The following CTTNBP2 variants were observed in gnomAD, a reference collection of about 807,000 sequenced individuals.
The protein encoded by CTTNBP2 is cortactin binding protein 2.
In CTTNBP2, 108 loss-of-function variants were observed where a neutral mutation model predicts 156.9. The ratio of observed to expected loss-of-function variants is 0.69; its 90% CI spans 0.59 to 0.81. The LOEUF (loss-of-function observed/expected upper bound fraction) is 0.81. CTTNBP2 is among the 30% of genes least tolerant of loss of function. The probability of loss-of-function intolerance (pLI) is 0.00; values close to 1 mark genes in which losing one functional copy is unlikely to be tolerated. For synonymous variants in CTTNBP2, 767 were observed against 751.8 expected, an observed-to-expected ratio of 1.02 and a Z score of -0.33; for missense variants, 1,924 against 2,035.4, an observed-to-expected ratio of 0.95 and a Z score of 1.05.
chr7:117,808,556 A>G (rs1800081360), intron 3 of CTTNBP2, among the ~76,000 whole-genome samples: 1 of 152,226 alleles, frequency 6.6e-6, no homozygotes, highest in Non-Finnish European at 1.5e-5. Context: ...GAGGCAAACT[A>G]GAGCAGCGCT....
intron 3 of CTTNBP2, among the ~76,000 whole-genome samples, chr7:117,802,270 T>A (rs1799663154): frequency 6.6e-6 from 1 of 151,648 alleles, no homozygotes; most frequent in Admixed American, 6.6e-5. Context: ...AAGGATTTCT[T>A]TTAAAAGCTT....
chr7:117,724,042 T>TA (rs1183575425), intron 19 of CTTNBP2, among the ~76,000 whole-genome samples: 4 of 152,086 alleles, frequency 2.6e-5, no homozygotes, highest in Non-Finnish European at 5.9e-5. Context: ...AATATATATA[T>TA]TTTTTACCAC....
rs1480004818 is a variant in CTTNBP2 at position 117,861,290 on chromosome 7, G to A, written c.108C>T (p.Leu36=). 6.2e-7 allele frequency: 1 copy of A among 1,613,080 alleles called. No homozygotes were observed. Among genetic ancestry groups the A allele is most frequent in the Non-Finnish European group, 8.5e-7 (1 of 1,179,608 alleles). ...AAKKEFDVDT[L]SKSELRMLLS... is the part of the protein sequence containing the mutation. The stretch of plus-strand genomic sequence containing the variant: ...GGAGCATCCGCAGCTCGGATTTACT[G>A]AGAGTATCCACATCAAACTCTTTTT... The change falls in exon 2 of 23, where the codon CTC becomes CTT. Residue 36 remains leucine (L), a synonymous_variant. Coordinates refer to ENST00000160373, the MANE Select transcript of CTTNBP2 (RefSeq NM_033427.3).
intron 2 of CTTNBP2, among the ~76,000 whole-genome samples, chr7:117,816,410 C>G (rs570035308): frequency 9.2e-5 from 14 of 152,302 alleles, no homozygotes; most frequent in East Asian, 1.9e-4. Context: ...AAAATGGAAG[C>G]CTTCTCAGTC....
chr7:117,783,484 C>G (rs1341974693), intron 5 of CTTNBP2, among the ~76,000 whole-genome samples: 2 of 152,130 alleles, frequency 1.3e-5, no homozygotes, highest in Non-Finnish European at 2.9e-5. Context: ...CGAAAGTCAC[C>G]TAACTCAGGA....
intron 2 of CTTNBP2, among the ~76,000 whole-genome samples, chr7:117,838,310 G>C (rs538278006): frequency 1.3e-5 from 2 of 152,284 alleles, no homozygotes; most frequent in African/African-American, 4.8e-5. Flanking sequence ...GGGTTCAGCT[G>C]CTGAGCTTCA....
intron 9 of CTTNBP2, among the ~76,000 whole-genome samples, chr7:117,764,966 C>T (rs1343223419): frequency 3.3e-5 from 5 of 152,094 alleles, no homozygotes; most frequent in Admixed American, 2.6e-4. Flanking sequence ...GATAGAGTCT[C>T]ACTCTGTCAC....
At chr7:117,783,264 C>T (rs1798531183) in intron 5 of CTTNBP2, among the ~76,000 whole-genome samples, 3 of 152,062 alleles carry the variant, frequency 2.0e-5, no homozygotes, top group Non-Finnish European at 4.4e-5. Context: ...ATGTCATGTG[C>T]CAGAAAATGC....
chr7:117,856,313 G>C (rs544681255), intron 2 of CTTNBP2, among the ~76,000 whole-genome samples: 2 of 152,316 alleles, frequency 1.3e-5, no homozygotes, highest in South Asian at 4.1e-4. Context: ...CCTGTTTTAA[G>C]CATGCTGATG....
chr7:117,756,489 G>A, intron 12 of CTTNBP2, 66 bp downstream of exon 12: 3 of 1,233,546 alleles, frequency 2.4e-6, no homozygotes, highest in Non-Finnish European at 3.6e-6. Flanking sequence ...ACATAAAAAT[G>A]GGCCACCCAA....
chr7:117,760,710 T>C lies in CTTNBP2; in HGVS notation c.2897A>G (p.Asn966Ser). Reference sequence around the variant, plus strand: ...AATCCTTAAGGGTATTTTAAGAGCATCTGTTAGAAGAGTAAAAGAATTAGG... The same window carrying C: ...AATCCTTAAGGGTATTTTAAGAGCACCTGTTAGAAGAGTAAAAGAATTAGG... ...DDCKHLLENL[N>S]ALKIPLRISV... Residue 966 changes from asparagine to serine, a missense_variant and splice_region_variant, in exon 10 of 23, where the codon AAT becomes AGT. Asn to Ser is a conservative substitution (Grantham distance 46). Transcript: ENST00000160373. 6.2e-7 allele frequency: 1 copy of C among 1,604,046 alleles called. No individual in the cohort carries two copies. Among genetic ancestry groups the C allele is most frequent in the Middle Eastern group, 1.7e-4 (1 of 5,970 alleles).
At chr7:117,741,208 G>A (rs774531907) in intron 14 of CTTNBP2, among the ~76,000 whole-genome samples, 3 of 152,084 alleles carry the variant, frequency 2.0e-5, no homozygotes, top group Non-Finnish European at 2.9e-5. Context: ...AGGTGATGGG[G>A]GAATGGAGAG....
intron 2 of CTTNBP2, among the ~76,000 whole-genome samples, chr7:117,854,476 T>A (rs147456759): frequency 6.6e-6 from 1 of 152,346 alleles, no homozygotes; most frequent in Non-Finnish European, 1.5e-5. Context: ...GAACCATTAT[T>A]CTATTTAAAG....
chr7:117,825,957 G>A (rs568506973), intron 2 of CTTNBP2, among the ~76,000 whole-genome samples: 28 of 152,166 alleles, frequency 1.8e-4, no homozygotes, highest in Non-Finnish European at 3.4e-4. Flanking sequence ...CAGTGCCAAA[G>A]CTTCCATGTT....
rs1799091865 is a variant in CTTNBP2, at chr7:117,792,559, G to T, written c.637C>A (p.Leu213Ile). The T allele has an allele frequency of 6.2e-7, 1 of 1,614,062 alleles. No homozygotes were observed. Among genetic ancestry groups the T allele is most frequent in the African/African-American group, 1.3e-5 (1 of 74,928 alleles). The change falls in exon 4 of 23, where the codon CTC (leucine) becomes ATC (isoleucine). Residue 213 changes from leucine (L) to isoleucine (I), a missense_variant. By Grantham distance (5) the Leu-to-Ile change is conservative (BLOSUM62 2). Coordinates refer to ENST00000160373, the MANE Select transcript of CTTNBP2 (RefSeq NM_033427.3). The surrounding 1 kb of genome is among the most constrained non-coding windows in gnomAD (Gnocchi z 4.2). Reference protein sequence around the residue: ...KKKTNELEEELSAEKRRSTEM... With the variant: ...KKKTNELEEEISAEKRRSTEM... ...GTGCTTCTTCGTTTCTCAGCGGAGAGTTCCTCTTCTAATTCATTCGTCTTT... is the reference window on the plus strand; with the variant it reads ...GTGCTTCTTCGTTTCTCAGCGGAGATTTCCTCTTCTAATTCATTCGTCTTT...
chr7:117,814,843 T>G (rs915867025), intron 2 of CTTNBP2, among the ~76,000 whole-genome samples: 1 of 152,262 alleles, frequency 6.6e-6, no homozygotes, highest in African/African-American at 2.4e-5. Flanking sequence ...TATTTGTTGC[T>G]AACTAGCTAT....
At chr7:117,840,521 A>G (rs1358720208) in intron 2 of CTTNBP2, among the ~76,000 whole-genome samples, 1 of 152,084 alleles carries the variant, frequency 6.6e-6, no homozygotes, top group African/African-American at 2.4e-5. Flanking sequence ...AGTTTGAGAC[A>G]CTGTCTTAAC....
At chr7:117,737,369 G>A (rs1387880904) in intron 14 of CTTNBP2, among the ~76,000 whole-genome samples, 4 of 152,142 alleles carry the variant, frequency 2.6e-5, no homozygotes, top group Admixed American at 1.3e-4. Flanking sequence ...AGGACTGAAG[G>A]TCTCCAGCTT....
At chr7:117,724,971 A>G in intron 18 of CTTNBP2, 81 bp downstream of exon 18, 1 of 1,324,100 alleles carries the variant, frequency 7.6e-7, no homozygotes. Context: ...TTACAAAGAA[A>G]GAAAGCTCTC....
Sources: allele counts gnomAD v4.1 joint callset (sites outside exome capture counted in the v4.1 genomes callset), GRCh38; gene constraint gnomAD v4.1.1; non-coding constraint Gnocchi (gnomAD v3.1); transcripts MANE v1.5; gene names NCBI Gene and HGNC (gene_info 2026-07-23, HGNC 2026-07-21).